RPS6KC1: variants seen among roughly 807,000 people sequenced by gnomAD.
The protein encoded by RPS6KC1 is ribosomal protein S6 kinase C1.
A neutral mutation model predicts 103.8 loss-of-function variants in RPS6KC1; 54 were observed. That is an observed-to-expected ratio of 0.52 (90% CI 0.42 to 0.65). RPS6KC1 has a LOEUF of 0.65. RPS6KC1 is among the 30% of genes least tolerant of loss of function. The probability of loss-of-function intolerance (pLI) is 0.00; values close to 1 mark genes in which losing one functional copy is unlikely to be tolerated. For synonymous variants in RPS6KC1, 439 were observed against 438.7 expected (o/e 1.00, Z -0.01); for missense variants, 1,151 against 1,253.8 (o/e 0.92, Z 1.24).
At chr1:213,728,937 G>GTTTTTTTTTTTTTTTTTTTTTTTTT in the RPS6KC1 span, among the ~76,000 whole-genome samples, 28 of 93,434 alleles carry the variant, frequency 3.0e-4, 7 homozygotes, top group Non-Finnish European at 4.5e-4. Flanking sequence ...GAACATGAGG[G>GTTTTTTTTTTTTTTTTTTTTTTTTT]TTTTTTTTTT....
chr1:213,481,298 A>G, the RPS6KC1 span, among the ~76,000 whole-genome samples: 3 of 152,224 alleles, frequency 2.0e-5, no homozygotes, highest in Non-Finnish European at 2.9e-5. Flanking sequence ...AGACAAGAAA[A>G]TCTAGGTGGA....
chr1:213,055,811 C>T (rs2077288718), intron 1 of RPS6KC1, among the ~76,000 whole-genome samples: 1 of 152,154 alleles, frequency 6.6e-6, no homozygotes, highest in Admixed American at 6.5e-5. Flanking sequence ...GTCTCTGATC[C>T]ATGAACATAA....
At chr1:213,704,142 C>T in the RPS6KC1 span, among the ~76,000 whole-genome samples, 1 of 151,854 alleles carries the variant, frequency 6.6e-6, no homozygotes, top group Non-Finnish European at 1.5e-5. Context: ...AATCCCAGCA[C>T]TTTGGGAGGC....
the RPS6KC1 span, among the ~76,000 whole-genome samples, chr1:213,829,238 C>T: frequency 8.0e-6 from 1 of 124,350 alleles, no homozygotes; most frequent in African/African-American, 3.1e-5. Context: ...TGGGTACAGT[C>T]ACAGGAAAGA....
At chr1:213,131,450 T>G (rs1572723390) in intron 6 of RPS6KC1, among the ~76,000 whole-genome samples, 1 of 12,304 alleles carries the variant, frequency 8.1e-5, no homozygotes, top group Non-Finnish European at 1.7e-4. Flanking sequence ...TAATGTTAGG[T>G]TTTTTTTTTT....
chr1:213,503,400 G>C, the RPS6KC1 span, among the ~76,000 whole-genome samples: 2 of 152,296 alleles, frequency 1.3e-5, no homozygotes, highest in South Asian at 2.1e-4. Context: ...AACAGAATCT[G>C]GGTAGGCAGG....
chr1:213,848,957 A>G, the RPS6KC1 span, among the ~76,000 whole-genome samples: 4 of 152,114 alleles, frequency 2.6e-5, 1 homozygote, highest in African/African-American at 9.7e-5. Flanking sequence ...GAAGGAGGAG[A>G]CAAAATCAAA....
At chr1:213,415,783 A>C in the RPS6KC1 span, among the ~76,000 whole-genome samples, 4 of 152,212 alleles carry the variant, frequency 2.6e-5, no homozygotes, top group Admixed American at 2.0e-4. Flanking sequence ...CTCGGGCTTC[A>C]GGAATGCAGC....
intron 8 of RPS6KC1, among the ~76,000 whole-genome samples, chr1:213,215,212 C>T (rs1473527407): frequency 6.6e-5 from 10 of 152,078 alleles, no homozygotes; most frequent in African/African-American, 2.2e-4. Flanking sequence ...AACCATGGCA[C>T]GAGAACTTCA....
chr1:213,484,789 T>G, the RPS6KC1 span, among the ~76,000 whole-genome samples: 8 of 152,224 alleles, frequency 5.3e-5, no homozygotes, highest in African/African-American at 1.9e-4. Context: ...TCTTGGGAGA[T>G]GATCCCAGGA....
At chr1:213,230,410 C>T in intron 8 of RPS6KC1, 87 bp from the exon 9 acceptor site, 3 of 940,264 alleles carry the variant, frequency 3.2e-6, no homozygotes, top group South Asian at 3.5e-5. Flanking sequence ...AATTTCAGCC[C>T]TGCCCTACTC....
chr1:213,277,385 A>G (rs2095114317), downstream of RPS6KC1, among the ~76,000 whole-genome samples: 1 of 152,214 alleles, frequency 6.6e-6, no homozygotes, highest in African/African-American at 2.4e-5. Flanking sequence ...TAGCTGTCTC[A>G]TCTCAGGGAG....
chr1:213,376,875 G>GA, the RPS6KC1 span, among the ~76,000 whole-genome samples: 18 of 152,338 alleles, frequency 1.2e-4, no homozygotes, highest in African/African-American at 3.8e-4. Flanking sequence ...GAAGTAGTGC[G>GA]AGATAATACA....
intron 9 of RPS6KC1, among the ~76,000 whole-genome samples, chr1:213,230,747 A>G (rs2094078923): frequency 6.6e-6 from 1 of 151,078 alleles, no homozygotes; most frequent in African/African-American, 2.4e-5. Flanking sequence ...AGGCAGGAGA[A>G]TCGCTTGAAC....
the RPS6KC1 span, among the ~76,000 whole-genome samples, chr1:213,313,813 T>C: frequency 4.6e-5 from 7 of 151,814 alleles, no homozygotes; most frequent in South Asian, 4.2e-4. Flanking sequence ...ATTAGCCGGG[T>C]GTGGTGGCGG....
intron 8 of RPS6KC1, among the ~76,000 whole-genome samples, chr1:213,215,277 A>G (rs1225394296): frequency 6.6e-6 from 1 of 152,246 alleles, no homozygotes; most frequent in East Asian, 1.9e-4. Context: ...AAAGGGTATC[A>G]GTGATGGAAG....
the RPS6KC1 span, among the ~76,000 whole-genome samples, chr1:213,602,251 CTCTTTTTTTT>C: frequency 2.5e-5 from 3 of 119,454 alleles, no homozygotes; most frequent in African/African-American, 9.5e-5. Flanking sequence ...CTTTCTCTCT[CTCTTTTTTTT>C]TCTTTTTTTT....
At chr1:213,165,344 C>G (rs1030707549) in intron 6 of RPS6KC1, among the ~76,000 whole-genome samples, 15 of 152,140 alleles carry the variant, frequency 9.9e-5, no homozygotes, top group African/African-American at 3.4e-4. Flanking sequence ...GATTCTCCTG[C>G]CTCAGCCTCA....
the RPS6KC1 span, among the ~76,000 whole-genome samples, chr1:213,763,908 T>C: frequency 6.6e-6 from 1 of 152,232 alleles, no homozygotes; most frequent in Admixed American, 6.5e-5. Flanking sequence ...TATCTTCATG[T>C]AGACATTTTG....
Sources: gnomAD v4.1 joint callset for allele counts (sites outside exome capture counted in the v4.1 genomes callset) on GRCh38, gnomAD v4.1.1 for gene constraint, MANE v1.5 for transcripts, NCBI Gene and HGNC (gene_info 2026-07-23, HGNC 2026-07-21) for gene names.